Variants in HS6ST3 observed in about 807,000 individuals in gnomAD.
The protein encoded by HS6ST3 is heparan sulfate 6-O-sulfotransferase 3.
A neutral mutation model predicts 36.7 loss-of-function variants in HS6ST3; 12 were observed. The ratio of observed to expected loss-of-function variants is 0.33; its 90% CI spans 0.21 to 0.53. The LOEUF is 0.53. HS6ST3 is among the 20% of genes least tolerant of loss of function. HS6ST3 has a pLI of 0.95. For synonymous variants in HS6ST3, 240 were observed against 257.5 expected (o/e 0.93, Z 0.65); for missense variants, 584 against 640.9 (o/e 0.91, Z 0.96).
intron 1 of HS6ST3, among the ~76,000 whole-genome samples, chr13:96,357,353 A>G (rs549167426): frequency 1.3e-5 from 2 of 152,290 alleles, no homozygotes; most frequent in African/African-American, 2.4e-5. Context: ...TGCCTTCCTT[A>G]TCACTCAACT....
chr13:96,294,843 G>C (rs373174683), intron 1 of HS6ST3, among the ~76,000 whole-genome samples: 1 of 151,954 alleles, frequency 6.6e-6, no homozygotes, highest in East Asian at 1.9e-4. Context: ...TAATGAACAT[G>C]GGTTTTTTTC....
chr13:96,675,489 T>A (rs1385608842), intron 1 of HS6ST3, among the ~76,000 whole-genome samples: 1 of 152,172 alleles, frequency 6.6e-6, no homozygotes, highest in Non-Finnish European at 1.5e-5. Flanking sequence ...GCATTTGGGT[T>A]ATTTCATTGA....
intron 1 of HS6ST3, among the ~76,000 whole-genome samples, chr13:96,377,616 A>C (rs1042282246): frequency 3.3e-5 from 5 of 152,158 alleles, no homozygotes; most frequent in Non-Finnish European, 7.4e-5. Context: ...CCTACAGTGG[A>C]TGTAAACTCT....
intron 1 of HS6ST3, among the ~76,000 whole-genome samples, chr13:96,789,128 T>G (rs1877721453): frequency 1.3e-5 from 2 of 151,834 alleles, no homozygotes; most frequent in African/African-American, 4.8e-5. Flanking sequence ...TACTTGAATA[T>G]TTTTTGTTAC....
chr13:96,317,199 G>C (rs2054974291), intron 1 of HS6ST3, among the ~76,000 whole-genome samples: 2 of 151,310 alleles, frequency 1.3e-5, no homozygotes, highest in South Asian at 4.2e-4. Flanking sequence ...TCCCATTTAT[G>C]AGTGAGAATA....
At chr13:96,094,448 T>C (rs1172407062) in intron 1 of HS6ST3, among the ~76,000 whole-genome samples, 3 of 152,188 alleles carry the variant, frequency 2.0e-5, no homozygotes, top group Non-Finnish European at 4.4e-5. Flanking sequence ...GATACCATTT[T>C]ATGATTACTT....
At chr13:96,348,260 G>T (rs1461894348) in intron 1 of HS6ST3, among the ~76,000 whole-genome samples, 1 of 152,196 alleles carries the variant, frequency 6.6e-6, no homozygotes, top group African/African-American at 2.4e-5. Context: ...AAGAGTGAAG[G>T]CCATCTTGGA....
chr13:96,395,781 C>T (rs2055418030), intron 1 of HS6ST3, among the ~76,000 whole-genome samples: 1 of 152,070 alleles, frequency 6.6e-6, no homozygotes, highest in South Asian at 2.1e-4. Context: ...TATATGCACA[C>T]TGCCTTGGGC....
At chr13:96,258,473 T>C (rs1195543593) in intron 1 of HS6ST3, among the ~76,000 whole-genome samples, 3 of 152,216 alleles carry the variant, frequency 2.0e-5, no homozygotes, top group Non-Finnish European at 2.9e-5. Context: ...AAATTCTGGC[T>C]GTGGGATTAA....
chr13:96,343,056 C>T (rs944041321), intron 1 of HS6ST3, among the ~76,000 whole-genome samples: 3 of 152,142 alleles, frequency 2.0e-5, no homozygotes, highest in East Asian at 1.9e-4. Context: ...TTCCTTTCAT[C>T]GGAAGGGAAT....
Position 96,839,154 on chromosome 13 carries a change from C to T in HS6ST3, c.*5956C>T, listed in dbSNP as rs1189500743. 1 of 152,192 alleles carries T rather than the reference C, an allele frequency of 6.6e-6. No homozygotes were observed. Among genetic ancestry groups the T allele is most frequent in the Non-Finnish European group, 1.5e-5 (1 of 68,024 alleles). The allele number at this position is 152,192 out of a possible 1,614,324, so 9.4% of individuals were successfully genotyped here. A position where few individuals can be genotyped will look rare whatever the true frequency, so the allele number is the denominator to read the frequency against. On this transcript the variant is annotated 3_prime_UTR_variant, in exon 2 of 2. Coordinates refer to ENST00000376705, the MANE Select transcript of HS6ST3 (RefSeq NM_153456.4). ...AAGTTTTGTGTACTTCAGTAATTGTCACATGTGTCTTCCACCTCCTTGACA... is the reference window on the plus strand; with the variant it reads ...AAGTTTTGTGTACTTCAGTAATTGTTACATGTGTCTTCCACCTCCTTGACA...
intron 1 of HS6ST3, among the ~76,000 whole-genome samples, chr13:96,686,025 A>G (rs887227665): frequency 3.3e-5 from 5 of 151,990 alleles, no homozygotes; most frequent in Non-Finnish European, 5.9e-5. Flanking sequence ...GTACAACTTT[A>G]CTTACCTAAG....
At chr13:96,316,324 CTG>C (rs777213646) in intron 1 of HS6ST3, among the ~76,000 whole-genome samples, 2 of 147,356 alleles carry the variant, frequency 1.4e-5, no homozygotes, top group East Asian at 2.0e-4. Context: ...ATGTGTATGA[CTG>C]TATGTAAAAG....
At chr13:96,371,711 A>G (rs2055291051) in intron 1 of HS6ST3, among the ~76,000 whole-genome samples, 1 of 152,098 alleles carries the variant, frequency 6.6e-6, no homozygotes, top group South Asian at 2.1e-4. Context: ...CAGATCATTC[A>G]ATATTTGTTT....
At chr13:96,591,861 G>A (rs2056383566) in intron 1 of HS6ST3, among the ~76,000 whole-genome samples, 1 of 151,914 alleles carries the variant, frequency 6.6e-6, no homozygotes, top group African/African-American at 2.4e-5. Context: ...TTATGTTGAG[G>A]TATGTTCCTT....
At chr13:96,293,804 G>A (rs987309982) in intron 1 of HS6ST3, among the ~76,000 whole-genome samples, 2 of 152,064 alleles carry the variant, frequency 1.3e-5, no homozygotes, top group African/African-American at 4.8e-5. Flanking sequence ...ATGCACAAAG[G>A]GAGAGGCTGA....
At chr13:96,513,212 T>A (rs1229388775) in intron 1 of HS6ST3, among the ~76,000 whole-genome samples, 2 of 152,092 alleles carry the variant, frequency 1.3e-5, no homozygotes, top group Non-Finnish European at 2.9e-5. Flanking sequence ...TCTCTCCTTA[T>A]CCTTGAAGTC....
chr13:96,648,611 C>T (rs368221283), intron 1 of HS6ST3, among the ~76,000 whole-genome samples: 1 of 151,822 alleles, frequency 6.6e-6, no homozygotes, highest in Non-Finnish European at 1.5e-5. Context: ...GTATTAAGCA[C>T]TGCATGCATT....
chr13:96,516,668 A>G (rs1330922989), intron 1 of HS6ST3, among the ~76,000 whole-genome samples: 1 of 152,176 alleles, frequency 6.6e-6, no homozygotes, highest in Non-Finnish European at 1.5e-5. Context: ...GTTCAGAGTG[A>G]TCATTTGCAT....
Sources: allele counts gnomAD v4.1 joint callset (sites outside exome capture counted in the v4.1 genomes callset), GRCh38; gene constraint gnomAD v4.1.1; transcripts MANE v1.5; gene names NCBI Gene and HGNC (gene_info 2026-07-23, HGNC 2026-07-21).